The following PLEKHM3 variants were observed in gnomAD, a reference collection of about 807,000 sequenced individuals.
The protein encoded by PLEKHM3 is pleckstrin homology domain containing M3, also known as pleckstrin homology domain-containing family M member 3.
Under a neutral mutation model 81.8 loss-of-function variants are expected in PLEKHM3, and 45 were observed. The observed-to-expected ratio is 0.55, with a 90% CI of 0.43 to 0.71. The LOEUF (loss-of-function observed/expected upper bound fraction) is 0.71, where lower values mean the gene tolerates loss of function less well. Among genes scored for constraint, PLEKHM3 ranks in the 30% least tolerant of loss-of-function variants. The probability of loss-of-function intolerance (pLI) is 0.00; values close to 1 mark genes in which losing one functional copy is unlikely to be tolerated. For synonymous variants in PLEKHM3, 352 were observed against 356.4 expected (o/e 0.99, Z 0.14); for missense variants, 788 against 924.3 (o/e 0.85, Z 1.91).
At chr2:207,899,833 G>A (rs1003756510) in intron 6 of PLEKHM3, among the ~76,000 whole-genome samples, 8 of 152,168 alleles carry the variant, frequency 5.3e-5, no homozygotes, top group South Asian at 4.1e-4. Flanking sequence ...CAGATCATTA[G>A]AGTGGTTTAA....
chr2:207,919,028 A>C (rs747817146), intron 5 of PLEKHM3, among the ~76,000 whole-genome samples: 1 of 152,192 alleles, frequency 6.6e-6, no homozygotes, highest in South Asian at 2.1e-4. Context: ...ACAAACAGAC[A>C]CTGTGTTGCC....
intron 1 of PLEKHM3, among the ~76,000 whole-genome samples, chr2:208,016,018 A>G (rs1350925230): frequency 6.6e-6 from 1 of 151,972 alleles, no homozygotes; most frequent in Non-Finnish European, 1.5e-5. Context: ...AAATGGAGAA[A>G]CCCTGTCTCT....
At chr2:207,919,799 A>ACTAGAAAGAT in intron 5 of PLEKHM3, among the ~76,000 whole-genome samples, 1 of 152,336 alleles carries the variant, frequency 6.6e-6, no homozygotes, top group Admixed American at 6.5e-5. Flanking sequence ...CAGTGAACTC[A>ACTAGAAAGAT]CTAGAAAGAT....
chr2:207,829,974 C>G (rs998779746), intron 7 of PLEKHM3, among the ~76,000 whole-genome samples: 4 of 152,006 alleles, frequency 2.6e-5, no homozygotes, highest in African/African-American at 9.7e-5. Context: ...ACCCTCATAC[C>G]TTGGAGAGGA....
rs1295195704 is a variant in PLEKHM3, at chr2:207,840,027, C to T, written c.2109-11531G>A. On this transcript the variant is annotated intron_variant, in intron 7 of 7. Transcript: ENST00000427836. ...TGGGGCCCAGCAATCTGTGTTTTAACAAGTCCTCCTGGGAATTCTGATGAA... is the reference window on the plus strand; with the variant it reads ...TGGGGCCCAGCAATCTGTGTTTTAATAAGTCCTCCTGGGAATTCTGATGAA... Among the ~76,000 whole-genome samples the T allele has an allele frequency of 2.0e-5, 3 of 152,212 alleles. No homozygotes were observed. The South Asian group carries it at 6.2e-4, about 32-fold the overall frequency.
intron 6 of PLEKHM3, among the ~76,000 whole-genome samples, chr2:207,890,725 A>C (rs968302698): frequency 1.3e-5 from 2 of 152,228 alleles, no homozygotes; most frequent in Non-Finnish European, 2.9e-5. Flanking sequence ...ATCATCTACC[A>C]AACTCTGAGT....
chr2:207,864,093 T>C (rs1347559876), intron 6 of PLEKHM3, among the ~76,000 whole-genome samples: 2 of 152,170 alleles, frequency 1.3e-5, no homozygotes, highest in East Asian at 3.8e-4. Context: ...TAATTTTGCA[T>C]TAAACTGAAG....
At chr2:207,856,606 G>A (rs566527819) in intron 7 of PLEKHM3, among the ~76,000 whole-genome samples, 83 of 152,274 alleles carry the variant, frequency 5.5e-4, no homozygotes, top group African/African-American at 1.6e-3. Context: ...TGTGATACAC[G>A]TTTAGGTTTC....
intron 6 of PLEKHM3, among the ~76,000 whole-genome samples, chr2:207,893,695 A>G (rs1688134944): frequency 6.6e-6 from 1 of 152,190 alleles, no homozygotes; most frequent in Admixed American, 6.5e-5. Context: ...GAAAGAGAGA[A>G]GCTCTCTCTC....
At chr2:207,964,725 C>A (rs969150373) in intron 3 of PLEKHM3, among the ~76,000 whole-genome samples, 5 of 151,934 alleles carry the variant, frequency 3.3e-5, no homozygotes, top group Non-Finnish European at 5.9e-5. Context: ...CCATTTTTCA[C>A]CTGAAAAAAG....
intron 3 of PLEKHM3, among the ~76,000 whole-genome samples, chr2:207,969,723 C>T (rs1023252438): frequency 1.3e-5 from 2 of 152,150 alleles, no homozygotes; most frequent in African/African-American, 4.8e-5. Context: ...CTTACAGCAT[C>T]CTTGGAGGAC....
intron 4 of PLEKHM3, among the ~76,000 whole-genome samples, chr2:207,934,085 G>A (rs945930396): frequency 4.6e-5 from 7 of 152,010 alleles, no homozygotes; most frequent in Admixed American, 6.6e-5. Context: ...AACTCAACTC[G>A]AATTAAAAAT....
At chr2:207,890,042 C>A (rs972433280) in intron 6 of PLEKHM3, among the ~76,000 whole-genome samples, 1 of 152,088 alleles carries the variant, frequency 6.6e-6, no homozygotes, top group African/African-American at 2.4e-5. Flanking sequence ...CAAGCTCAGG[C>A]AATCTGCCCG....
In PLEKHM3 at chr2:207,907,892, C is replaced by T. The variant is rs867069141; in HGVS notation, c.1950+622G>A. ...GCAATCACTAACGTACTTTCTGTCA[C>T]GATGGATTTGCCTATTCTAAACATT... On this transcript the variant is annotated intron_variant, in intron 6 of 7. Coordinates refer to ENST00000427836, the MANE Select transcript of PLEKHM3 (RefSeq NM_001080475.3). Among the ~76,000 whole-genome samples, 18 of 152,190 alleles carry T rather than the reference C, an allele frequency of 1.2e-4. 1 individual carries two copies. Among genetic ancestry groups the T allele is most frequent in the African/African-American group, 3.9e-4 (16 of 41,450 alleles).
intron 7 of PLEKHM3, among the ~76,000 whole-genome samples, chr2:207,832,419 C>G (rs939803275): frequency 6.6e-6 from 1 of 152,114 alleles, no homozygotes; most frequent in African/African-American, 2.4e-5. Context: ...ATGTAAAGTT[C>G]AGGATAAATA....
intron 3 of PLEKHM3, among the ~76,000 whole-genome samples, chr2:207,962,624 A>G (rs1038886648): frequency 6.6e-6 from 1 of 152,236 alleles, no homozygotes; most frequent in African/African-American, 2.4e-5. Flanking sequence ...TTGCACTGGC[A>G]TCTGAAGTGG....
At chr2:207,882,165 T>C (rs889534293) in intron 6 of PLEKHM3, among the ~76,000 whole-genome samples, 1 of 152,204 alleles carries the variant, frequency 6.6e-6, no homozygotes, top group African/African-American at 2.4e-5. Flanking sequence ...ATTTGGGGAA[T>C]GGGCAGCTTT....
At chr2:207,892,226 C>T (rs1418460799) in intron 6 of PLEKHM3, among the ~76,000 whole-genome samples, 2 of 152,190 alleles carry the variant, frequency 1.3e-5, no homozygotes, top group Non-Finnish European at 2.9e-5. Context: ...GTAAAATAGA[C>T]TCCGTAAGTC....
chr2:207,921,132 T>A (rs993315192), intron 5 of PLEKHM3, among the ~76,000 whole-genome samples: 2 of 152,182 alleles, frequency 1.3e-5, no homozygotes, highest in Non-Finnish European at 2.9e-5. Flanking sequence ...CACTGCAAGT[T>A]CCGCCTCCTG....
Sources: gnomAD v4.1 joint callset for allele counts (sites outside exome capture counted in the v4.1 genomes callset) on GRCh38, gnomAD v4.1.1 for gene constraint, MANE v1.5 for transcripts, NCBI Gene and HGNC (gene_info 2026-07-23, HGNC 2026-07-21) for gene names.